ESRRG: variants seen among roughly 807,000 people sequenced by gnomAD.
ESRRG encodes estrogen related receptor gamma, also known as estrogen-related receptor gamma.
Under a neutral mutation model 44.0 loss-of-function variants are expected in ESRRG, and 13 were observed. The ratio of observed to expected loss-of-function variants is 0.30; its 90% CI spans 0.19 to 0.47. ESRRG has a LOEUF of 0.47. Ranked by LOEUF, ESRRG falls within the 20% of genes least tolerant of loss-of-function variation. The probability of loss-of-function intolerance (pLI) is 1.00; values close to 1 mark genes in which losing one functional copy is unlikely to be tolerated. For synonymous variants in ESRRG, 215 were observed against 214.6 expected (o/e 1.00, Z -0.02); for missense variants, 395 against 580.6 (o/e 0.68, Z 3.29).
chr1:216,579,961 G>T (rs1333943820), intron 3 of ESRRG, among the ~76,000 whole-genome samples: 1 of 152,096 alleles, frequency 6.6e-6, no homozygotes, highest in African/African-American at 2.4e-5. Context: ...AAACGTCAAG[G>T]TATTTCATTT....
chr1:216,751,957 T>A (rs1211833417), intron 2 of ESRRG, among the ~76,000 whole-genome samples: 1 of 152,160 alleles, frequency 6.6e-6, no homozygotes, highest in Non-Finnish European at 1.5e-5. Context: ...AGTCATTATG[T>A]AGAATGGGCT....
chr1:216,642,938 T>C (rs1465160632), intron 3 of ESRRG, among the ~76,000 whole-genome samples: 1 of 152,198 alleles, frequency 6.6e-6, no homozygotes, highest in Non-Finnish European at 1.5e-5. Context: ...CTTTATATTT[T>C]TTAAAGAGAA....
In ESRRG at chr1:217,071,832, G is replaced by A. The variant is rs549560553; in HGVS notation, c.-106+17675C>T. Among the ~76,000 whole-genome samples, 10 of 152,308 alleles carry A rather than the reference G, an allele frequency of 6.6e-5. 1 individual carries two copies. In the South Asian group the frequency reaches 2.1e-3, roughly 32 times the overall value. ...CAATTTCAGATGAGGAAAGAGAGATGAAGAGTAGTTCAGTTACTTCCCTAG... is the reference window on the plus strand; with the variant it reads ...CAATTTCAGATGAGGAAAGAGAGATAAAGAGTAGTTCAGTTACTTCCCTAG... On this transcript the variant is annotated intron_variant, in intron 1 of 7. Coordinates refer to the ESRRG transcript ENST00000359162.
chr1:216,532,976 G>C (rs894277785), intron 5 of ESRRG, among the ~76,000 whole-genome samples: 9 of 152,052 alleles, frequency 5.9e-5, no homozygotes, highest in Non-Finnish European at 1.5e-5. Flanking sequence ...TTCTTACCGA[G>C]TACATGGATG....
chr1:216,564,189 T>C (rs763892661), intron 5 of ESRRG, 30 bp downstream of exon 5: 5 of 1,437,300 alleles, frequency 3.5e-6, no homozygotes, highest in African/African-American at 1.4e-5. Flanking sequence ...TTGCAACCTT[T>C]TCTTTTCTTT....
intron 3 of ESRRG, 22 bp from the exon 4 acceptor site, chr1:216,568,120 G>T: frequency 6.6e-7 from 1 of 1,524,004 alleles, no homozygotes; most frequent in Non-Finnish European, 9.1e-7. Flanking sequence ...GACAGGCACC[G>T]GCTTACTATT....
At chr1:216,948,590 T>C (rs933005110) in intron 1 of ESRRG, among the ~76,000 whole-genome samples, 1 of 151,706 alleles carries the variant, frequency 6.6e-6, no homozygotes, top group African/African-American at 2.4e-5. Context: ...ATCTACTATA[T>C]ATAGTATTAT....
At chr1:216,526,596 T>C (rs1228831442) in intron 5 of ESRRG, among the ~76,000 whole-genome samples, 1 of 152,182 alleles carries the variant, frequency 6.6e-6, no homozygotes, top group Non-Finnish European at 1.5e-5. Context: ...CTGTGGTTTA[T>C]GTCACCCAGT....
chr1:216,985,160 G>T (rs2074658068), intron 1 of ESRRG, among the ~76,000 whole-genome samples: 1 of 152,128 alleles, frequency 6.6e-6, no homozygotes, highest in Non-Finnish European at 1.5e-5. Context: ...GAATAACTAT[G>T]AACTTCAAAA....
At chr1:216,522,945 A>C (rs1255911738) in intron 5 of ESRRG, among the ~76,000 whole-genome samples, 1 of 152,182 alleles carries the variant, frequency 6.6e-6, no homozygotes, top group Admixed American at 6.5e-5. Flanking sequence ...GGTCTTCATC[A>C]TCTGTAATAT....
intron 2 of ESRRG, among the ~76,000 whole-genome samples, chr1:216,936,278 T>C (rs1384722674): frequency 6.6e-6 from 1 of 152,168 alleles, no homozygotes; most frequent in Non-Finnish European, 1.5e-5. Context: ...AACAACAATA[T>C]GGTTGTCGTA....
chr1:216,611,894 G>A (rs549838898), intron 3 of ESRRG, among the ~76,000 whole-genome samples: 47 of 152,208 alleles, frequency 3.1e-4, no homozygotes, highest in Non-Finnish European at 5.1e-4. Flanking sequence ...ATTCCAGGTT[G>A]AGAGAATGAA....
intron 2 of ESRRG, among the ~76,000 whole-genome samples, chr1:216,854,353 C>CAAAAAAAAAA (rs57421256): frequency 1.5e-4 from 10 of 67,110 alleles, no homozygotes; most frequent in Admixed American, 2.2e-4. Context: ...AAGACACCAT[C>CAAAAAAAAAA]AAAAAAAAAA....
intron 5 of ESRRG, among the ~76,000 whole-genome samples, chr1:216,556,237 T>A (rs767357538): frequency 3.3e-5 from 5 of 151,156 alleles, no homozygotes; most frequent in African/African-American, 7.4e-5. Flanking sequence ...AAAAAAAAAA[T>A]ATATGACCTG....
intron 2 of ESRRG, among the ~76,000 whole-genome samples, chr1:216,754,718 T>C (rs1292463788): frequency 6.7e-6 from 1 of 148,182 alleles, no homozygotes; most frequent in Non-Finnish European, 1.5e-5. Context: ...TTTTTTTTTT[T>C]TTTGCCACAT....
intron 5 of ESRRG, among the ~76,000 whole-genome samples, chr1:216,523,173 G>A (rs940460574): frequency 1.3e-5 from 2 of 152,060 alleles, no homozygotes; most frequent in Admixed American, 6.6e-5. Context: ...CCTGCATATC[G>A]CTGACAACTC....
At chr1:216,905,553 T>C (rs1484963807) in intron 2 of ESRRG, among the ~76,000 whole-genome samples, 6 of 152,152 alleles carry the variant, frequency 3.9e-5, no homozygotes, top group African/African-American at 1.4e-4. Context: ...ATAGTCCTCT[T>C]TGTATACTTA....
intron 1 of ESRRG, among the ~76,000 whole-genome samples, chr1:216,702,216 C>A (rs1041499731): frequency 1.3e-5 from 2 of 152,086 alleles, no homozygotes; most frequent in Non-Finnish European, 2.9e-5. Context: ...TTAAATAACA[C>A]CTTTGATGAA....
At chr1:216,880,654 A>G (rs916160267) in intron 2 of ESRRG, among the ~76,000 whole-genome samples, 2 of 152,164 alleles carry the variant, frequency 1.3e-5, no homozygotes, top group African/African-American at 4.8e-5. Context: ...TTATAACACC[A>G]ACATCAGTTA....
Sources: allele counts gnomAD v4.1 joint callset (sites outside exome capture counted in the v4.1 genomes callset), GRCh38; gene constraint gnomAD v4.1.1; transcripts MANE v1.5; gene names NCBI Gene and HGNC (gene_info 2026-07-23, HGNC 2026-07-21).